Variants in EIF3H observed in about 807,000 individuals in gnomAD.
The protein encoded by EIF3H is eIF-3-gamma.
In EIF3H, 26 loss-of-function variants were observed where a neutral mutation model predicts 44.2. The ratio of observed to expected loss-of-function variants is 0.59; its 90% confidence interval spans 0.43 to 0.82. The LOEUF is 0.82. Ranked by LOEUF, EIF3H falls within the 40% of genes least tolerant of loss-of-function variation. The pLI is 0.00. For missense variants in EIF3H, 359 were observed against 432.8 expected (o/e 0.83, Z 1.51); for synonymous variants, 166 against 151.9 (o/e 1.09, Z -0.68).
chr8:116,732,640 A>C (rs1814969893), intron 1 of EIF3H, among the ~76,000 whole-genome samples: 1 of 115,874 alleles, frequency 8.6e-6, no homozygotes, highest in Non-Finnish European at 1.8e-5. Context: ...TGTTATTTTG[A>C]CTTCTTTCAT....
intron 1 of EIF3H, among the ~76,000 whole-genome samples, chr8:116,740,838 T>A (rs115355286): frequency 2.3e-4 from 35 of 152,204 alleles, no homozygotes; most frequent in African/African-American, 8.4e-4. Context: ...AAAACAAAGT[T>A]TGAGTGCCAG....
At chr8:116,743,826 AC>A (rs1815182575) in intron 1 of EIF3H, among the ~76,000 whole-genome samples, 1 of 148,668 alleles carries the variant, frequency 6.7e-6, no homozygotes, top group Admixed American at 6.7e-5. Context: ...ACACACACAC[AC>A]ACACACACAC....
chr8:116,663,698 A>G (rs1813618631), intron 2 of EIF3H, among the ~76,000 whole-genome samples: 1 of 152,160 alleles, frequency 6.6e-6, no homozygotes, highest in South Asian at 2.1e-4. Context: ...TGGGAGGCTG[A>G]GGCAGGTGGA....
chr8:116,661,135 C>A (rs1813580366), intron 2 of EIF3H, among the ~76,000 whole-genome samples: 1 of 152,122 alleles, frequency 6.6e-6, no homozygotes, highest in African/African-American at 2.4e-5. Context: ...TTCCATAATT[C>A]TTTTAAATCA....
At chr8:116,738,804 C>T (rs1034132764) in intron 1 of EIF3H, among the ~76,000 whole-genome samples, 1 of 152,196 alleles carries the variant, frequency 6.6e-6, no homozygotes, top group African/African-American at 2.4e-5. Flanking sequence ...ACAACCTGTT[C>T]ATCTTTTTAA....
intron 2 of EIF3H, among the ~76,000 whole-genome samples, chr8:116,666,196 T>C (rs1398961143): frequency 6.6e-6 from 1 of 152,214 alleles, no homozygotes; most frequent in African/African-American, 2.4e-5. Context: ...GGTGGTTTAA[T>C]GTCTTCTTTA....
intron 2 of EIF3H, among the ~76,000 whole-genome samples, chr8:116,666,174 T>C (rs1813662164): frequency 6.6e-6 from 1 of 152,182 alleles, no homozygotes; most frequent in Non-Finnish European, 1.5e-5. Flanking sequence ...AGAAATATTT[T>C]TTAAAATAAT....
intron 2 of EIF3H, among the ~76,000 whole-genome samples, chr8:116,683,489 C>A (rs1167276592): frequency 6.6e-6 from 1 of 152,148 alleles, no homozygotes; most frequent in Non-Finnish European, 1.5e-5. Flanking sequence ...CTAAGTACCT[C>A]CCCAAAGGCC....
At chr8:116,654,824 A>T (rs187287620) in intron 5 of EIF3H, among the ~76,000 whole-genome samples, 294 of 152,208 alleles carry the variant, frequency 1.9e-3, no homozygotes, top group African/African-American at 6.6e-3. Context: ...CCCGTGCCAG[A>T]GCATAGAGAA....
At chr8:116,755,560 C>T (rs1345502166) in intron 1 of EIF3H, 106 bp downstream of exon 1, 1 of 1,490,430 alleles carries the variant, frequency 6.7e-7, no homozygotes, top group Non-Finnish European at 9.0e-7. Flanking sequence ...AACTTTGGCC[C>T]AGCCACACCA....
intron 1 of EIF3H, among the ~76,000 whole-genome samples, chr8:116,748,004 G>C (rs1197850936): frequency 1.3e-5 from 2 of 151,964 alleles, no homozygotes; most frequent in African/African-American, 4.8e-5. Flanking sequence ...CCAGCTACTT[G>C]GGAGGCTGAG....
intron 1 of EIF3H, among the ~76,000 whole-genome samples, chr8:116,749,355 T>C (rs886567582): frequency 1.5e-4 from 23 of 152,214 alleles, no homozygotes; most frequent in Non-Finnish European, 3.2e-4. Context: ...AGTAAAATGC[T>C]ATAAATCACC....
intron 2 of EIF3H, among the ~76,000 whole-genome samples, chr8:116,666,531 C>T (rs1306208919): frequency 2.6e-5 from 4 of 151,820 alleles, no homozygotes; most frequent in East Asian, 3.9e-4. Context: ...ACATTTATGG[C>T]GTTGGTCATG....
intron 2 of EIF3H, among the ~76,000 whole-genome samples, chr8:116,660,786 C>T (rs542474661): frequency 2.4e-4 from 36 of 152,082 alleles, no homozygotes; most frequent in Non-Finnish European, 4.4e-4. Context: ...AGACACCAGA[C>T]ACCAGATACC....
rs1814833249 is a variant in EIF3H, at chr8:116,726,135, CCTT to C, written c.167_169del (p.Glu56del). 2 of 1,613,982 alleles carry C rather than the reference CCTT, an allele frequency of 1.2e-6. No homozygotes were observed. Among genetic ancestry groups the C allele is most frequent in the Admixed American group, 1.7e-5 (1 of 60,018 alleles). On this transcript the variant is annotated inframe_deletion, in exon 2 of 8. Coordinates refer to ENST00000521861, the MANE Select transcript of EIF3H (RefSeq NM_003756.3). The stretch of plus-strand genomic sequence containing the variant: ...TCCTTGAACAACTTCAGTTCCTTGT[CCTT>C]CTTCTTGATAATGTTTGATTATCTT...
At position 116,722,165 on chromosome 8, in the gene EIF3H, C is replaced by A. The variant is rs903773657; in HGVS notation, c.289+3851G>T. ...TAACTGAATCACGGGAGCAGTTGCC[C>A]CCATACTGTTCTTGTGGTAATTAAT... On this transcript the variant is annotated intron_variant, in intron 2 of 7. Transcript: ENST00000521861. Among the ~76,000 whole-genome samples the A allele has an allele frequency of 2.2e-4, 33 of 152,188 alleles. 1 individual carries two copies. Among genetic ancestry groups the A allele is most frequent in the Non-Finnish European group, 4.4e-5 (3 of 68,012 alleles).
intron 2 of EIF3H, among the ~76,000 whole-genome samples, chr8:116,661,077 T>C (rs1302184851): frequency 6.6e-6 from 1 of 152,146 alleles, no homozygotes; most frequent in Non-Finnish European, 1.5e-5. Context: ...CCACATAAAT[T>C]TGGCAAGTGG....
At chr8:116,647,564 T>C (rs895825215) in intron 6 of EIF3H, among the ~76,000 whole-genome samples, 4 of 152,230 alleles carry the variant, frequency 2.6e-5, no homozygotes, top group Non-Finnish European at 5.9e-5. Flanking sequence ...TATAAACTTA[T>C]AGATCAACTA....
chr8:116,667,507 A>T (rs964294389), intron 2 of EIF3H, among the ~76,000 whole-genome samples: 2 of 152,028 alleles, frequency 1.3e-5, no homozygotes, highest in African/African-American at 2.4e-5. Context: ...ATGAATTAAT[A>T]GTTTCCTTCT....
Sources: allele counts gnomAD v4.1 joint callset (sites outside exome capture counted in the v4.1 genomes callset), GRCh38; gene constraint gnomAD v4.1.1; transcripts MANE v1.5; gene names NCBI Gene and HGNC (gene_info 2026-07-23, HGNC 2026-07-21).